The following PCDH7 variants were observed in gnomAD, a reference collection of about 807,000 sequenced individuals.
PCDH7 encodes protocadherin-7.
PCDH7 carries 17 observed loss-of-function variants against 58.9 expected under a neutral mutation model. The observed-to-expected ratio is 0.29, with a 90% CI of 0.20 to 0.43. PCDH7 has a LOEUF of 0.43. PCDH7 is among the 20% of genes least tolerant of loss of function. The probability of loss-of-function intolerance (pLI) is 1.00; values close to 1 mark genes in which losing one functional copy is unlikely to be tolerated. For synonymous variants in PCDH7, 664 were observed against 616.4 expected, an observed-to-expected ratio of 1.08 and a Z score of -1.14; for missense variants, 1,274 against 1,441.0, an observed-to-expected ratio of 0.88 and a Z score of 1.88.
intron 3 of PCDH7, among the ~76,000 whole-genome samples, chr4:31,030,737 A>T (rs548716478): frequency 1.3e-5 from 2 of 151,792 alleles, no homozygotes; most frequent in East Asian, 4.0e-4. Flanking sequence ...ACAATGACTT[A>T]CTCTCCAGTT....
intron 3 of PCDH7, among the ~76,000 whole-genome samples, chr4:31,043,026 A>T: frequency 6.6e-6 from 1 of 152,042 alleles, no homozygotes; most frequent in Middle Eastern, 3.2e-3. Context: ...CATTCCTATG[A>T]TAACCAACTC....
chr4:30,754,160 A>AGG (rs1172697009), intron 1 of PCDH7, among the ~76,000 whole-genome samples: 22 of 119,568 alleles, frequency 1.8e-4, no homozygotes, highest in Middle Eastern at 4.1e-3. Flanking sequence ...TGCAAACACT[A>AGG]GGTGTGTGTG....
At chr4:30,773,943 G>A (rs1721740022) in intron 1 of PCDH7, among the ~76,000 whole-genome samples, 2 of 152,072 alleles carry the variant, frequency 1.3e-5, no homozygotes, top group Admixed American at 6.6e-5. Context: ...CAAAGGAATG[G>A]GCCATCCCAT....
exon 1 of PCDH7, chr4:30,724,026 C>A (rs1714224629): frequency 6.2e-7 from 1 of 1,613,984 alleles, no homozygotes; most frequent in Admixed American, 1.7e-5. Context: ...TAGCTGGTGA[C>A]CCAAGCTATG....
intron 1 of PCDH7, among the ~76,000 whole-genome samples, chr4:30,834,902 G>GTT (rs1189629149): frequency 4.7e-5 from 7 of 150,106 alleles, no homozygotes; most frequent in South Asian, 2.1e-4. Context: ...AAACATTGGT[G>GTT]TTATATATAT....
intron 3 of PCDH7, among the ~76,000 whole-genome samples, chr4:31,018,412 C>T (rs1332186732): frequency 1.3e-5 from 2 of 152,178 alleles, no homozygotes; most frequent in Admixed American, 6.5e-5. Flanking sequence ...TCCTCACTTA[C>T]TACCAGTATC....
rs937445448 is a variant in PCDH7, at chr4:30,997,909, G to A, written c.*7+47694G>A. Among the ~76,000 whole-genome samples the A allele has an allele frequency of 4.6e-5, 7 of 152,198 alleles. No homozygotes were observed. In the East Asian group the frequency reaches 9.6e-4, roughly 21 times the overall value. ...ATAAAGTTGTTGATTTTGTGTGTGT[G>A]TTTGTGTGTGTGGAGGCTTCAGCAA... On this transcript the variant is annotated intron_variant, in intron 3 of 3. Coordinates refer to the PCDH7 transcript ENST00000509759.
chr4:31,043,195 A>G (rs948267236), intron 3 of PCDH7, among the ~76,000 whole-genome samples: 1 of 152,142 alleles, frequency 6.6e-6, no homozygotes, highest in Non-Finnish European at 1.5e-5. Flanking sequence ...GGAGGGGACA[A>G]CTATTCAAAC....
rs540824427 is a variant in PCDH7 at position 31,113,988 on chromosome 4, G to A, written c.*8-28485G>A. ...GCTGGGATTATAGGCACCCGACACC[G>A]GGCTTGGCTAATTTTTAATATTTTT... On this transcript the variant is annotated intron_variant, in intron 3 of 3. Transcript: ENST00000509759. Among the ~76,000 whole-genome samples the A allele has an allele frequency of 2.8e-4, 43 of 151,634 alleles. No homozygotes were observed. In the South Asian group the frequency reaches 8.1e-3, roughly 29 times the overall value.
At chr4:30,836,135 G>A (rs1490062055) in intron 1 of PCDH7, among the ~76,000 whole-genome samples, 1 of 152,092 alleles carries the variant, frequency 6.6e-6, no homozygotes, top group East Asian at 1.9e-4. Context: ...AATGGAGAGG[G>A]CAAAACATGA....
intron 3 of PCDH7, among the ~76,000 whole-genome samples, chr4:31,068,283 C>T (rs977297025): frequency 4.0e-5 from 6 of 148,576 alleles, no homozygotes; most frequent in African/African-American, 1.2e-4. Context: ...CTCAATTTTG[C>T]GGTGAACCTA....
At chr4:30,911,320 ACC>A (rs10718639) in intron 1 of PCDH7, among the ~76,000 whole-genome samples, 8,124 of 116,180 alleles carry the variant, frequency 0.07, 465 homozygotes, top group East Asian at 0.32. Flanking sequence ...AAAAAAAATC[ACC>A]CCCCCCCCCA....
At chr4:30,829,974 G>A (rs1729572217) in intron 1 of PCDH7, among the ~76,000 whole-genome samples, 1 of 152,038 alleles carries the variant, frequency 6.6e-6, no homozygotes, top group African/African-American at 2.4e-5. Flanking sequence ...TGCACATCTA[G>A]CTAATCAGAA....
rs1481227728 is a variant in PCDH7 at position 30,723,452 on chromosome 4, A to G, written c.2030A>G (p.Tyr677Cys). 6.2e-7 allele frequency: 1 copy of G among 1,614,066 alleles called. No homozygotes were observed. Among genetic ancestry groups the G allele is most frequent in the Non-Finnish European group, 8.5e-7 (1 of 1,180,032 alleles). ...GGGCGGAATGCAGAGATGAGCCTGT[A>G]CATAGAGGAGAACAATAACATTTTT... is the stretch of plus-strand genomic sequence containing the variant. Residue 677 changes from tyrosine to cysteine, a missense_variant, in exon 1 of 2, where the codon TAC becomes TGC. By Grantham distance (194) the Tyr-to-Cys change is radical. Transcript: ENST00000361762. This position sits in a 1 kb window ranked among gnomAD's most constrained non-coding sequence, Gnocchi z 4.6.
At chr4:30,787,679 C>T (rs991027466) in intron 1 of PCDH7, among the ~76,000 whole-genome samples, 4 of 151,990 alleles carry the variant, frequency 2.6e-5, no homozygotes, top group African/African-American at 9.7e-5. Flanking sequence ...GAATTGCATG[C>T]TGGAAGTACC....
chr4:31,035,252 T>C (rs1161547760), intron 3 of PCDH7, among the ~76,000 whole-genome samples: 1 of 136,620 alleles, frequency 7.3e-6, no homozygotes, highest in African/African-American at 2.8e-5. Flanking sequence ...TTTCCCTTTT[T>C]TTTTTTTTTT....
At chr4:31,006,511 T>C (rs1227365403) in intron 3 of PCDH7, among the ~76,000 whole-genome samples, 1 of 152,168 alleles carries the variant, frequency 6.6e-6, no homozygotes. Context: ...TTTTATTTTA[T>C]TGTTTAATTT....
At chr4:30,804,534 TA>T (rs200449475) in intron 1 of PCDH7, among the ~76,000 whole-genome samples, 20,011 of 125,622 alleles carry the variant, frequency 0.16, 1,427 homozygotes, top group Non-Finnish European at 0.18. Context: ...CAAGACTATC[TA>T]AAAAAAAAAA....
At chr4:30,807,982 T>A (rs1167085115) in intron 1 of PCDH7, among the ~76,000 whole-genome samples, 1 of 151,944 alleles carries the variant, frequency 6.6e-6, no homozygotes, top group Non-Finnish European at 1.5e-5. Flanking sequence ...CTCTGGAGAG[T>A]CTACAGTGAC....
Sources: gnomAD v4.1 joint callset for allele counts (sites outside exome capture counted in the v4.1 genomes callset) on GRCh38, gnomAD v4.1.1 for gene constraint, Gnocchi (gnomAD v3.1) non-coding constraint, MANE v1.5 for transcripts, NCBI Gene and HGNC (gene_info 2026-07-23, HGNC 2026-07-21) for gene names.